Variants in BIN1 observed in about 807,000 individuals in gnomAD.
BIN1 encodes myc box-dependent-interacting protein 1.
In BIN1, 53 loss-of-function variants were observed where a neutral mutation model predicts 82.0. The ratio of observed to expected loss-of-function variants is 0.65; its 90% CI spans 0.52 to 0.81. BIN1 has a LOEUF of 0.81. Ranked by LOEUF, BIN1 falls within the 40% of genes least tolerant of loss-of-function variation. The pLI is 0.00. For synonymous variants in BIN1, 302 were observed against 328.0 expected, an observed-to-expected ratio of 0.92 and a Z score of 0.86; for missense variants, 642 against 784.4, an observed-to-expected ratio of 0.82 and a Z score of 2.17.
intron 11 of BIN1, among the ~76,000 whole-genome samples, chr2:127,058,597 G>C (rs1684013621): frequency 6.6e-6 from 1 of 152,136 alleles, no homozygotes; most frequent in Non-Finnish European, 1.5e-5. Flanking sequence ...CACCTGGCTT[G>C]GGCTCCTCCC....
intron 18 of BIN1, among the ~76,000 whole-genome samples, chr2:127,049,022 C>T (rs1682529313): frequency 6.6e-6 from 1 of 152,228 alleles, no homozygotes; most frequent in Non-Finnish European, 1.5e-5. Flanking sequence ...CCAGTCCCTC[C>T]AACTTCGACT....
chr2:127,063,851 G>A (rs759415895), intron 8 of BIN1, 82 bp downstream of exon 8: 53 of 1,563,796 alleles, frequency 3.4e-5, no homozygotes, highest in Non-Finnish European at 4.6e-5. Context: ...CGCAGGCTGG[G>A]CACCACAGCA....
At chr2:127,053,619 A>T in intron 13 of BIN1, 174 bp from the exon 14 acceptor site, 1 of 869,770 alleles carries the variant, frequency 1.1e-6, no homozygotes, top group Non-Finnish European at 1.9e-6. Context: ...AGCTCCCGAC[A>T]CCTCTCAGGG....
Position 127,057,379 on chromosome 2 carries a change from T to C in BIN1, c.1131+94A>G, listed in dbSNP as rs1683831323. 5.7e-6 allele frequency: 8 copies of C among 1,411,222 alleles called. No individual in the cohort carries two copies. Among genetic ancestry groups the C allele is most frequent in the Non-Finnish European group, 6.5e-6 (7 of 1,074,554 alleles). 87.4% of individuals were successfully genotyped at this position (1,411,222 alleles called of 1,614,324 possible). On this transcript the variant is annotated intron_variant, in intron 12 of 18. Transcript: ENST00000316724. This position sits in a 1 kb window ranked among gnomAD's most constrained non-coding sequence, Gnocchi z 5.0. ...CTGACACTCTCTCTGGCCAGATTCC[T>C]GGCTCTTGAGACAGAAGCATAGAGG...
chr2:127,101,003 G>GGCGGGGGGA (rs1553487485), intron 1 of BIN1, among the ~76,000 whole-genome samples: 1 of 137,752 alleles, frequency 7.3e-6, no homozygotes, highest in Non-Finnish European at 1.6e-5. Context: ...AATGTGCGGG[G>GGCGGGGGGA]GGTGGGGATA....
chr2:127,105,252 G>A (rs1680886679), intron 1 of BIN1, among the ~76,000 whole-genome samples: 2 of 152,164 alleles, frequency 1.3e-5, no homozygotes, highest in African/African-American at 2.4e-5. Flanking sequence ...AAGGGGGCAG[G>A]GAACACAGCT....
intron 1 of BIN1, chr2:127,081,984 C>T: frequency 2.0e-6 from 2 of 997,108 alleles, no homozygotes; most frequent in Non-Finnish European, 2.6e-6. Flanking sequence ...CACCGAGGCT[C>T]CCCAGGCAGG....
intron 1 of BIN1, among the ~76,000 whole-genome samples, chr2:127,078,045 C>G (rs1433377573): frequency 6.6e-6 from 1 of 152,224 alleles, no homozygotes; most frequent in Non-Finnish European, 1.5e-5. Flanking sequence ...CGGAGCCAGC[C>G]CATGCTGCCA....
In BIN1 at chr2:127,059,288, G is replaced by A; in HGVS notation, c.858-133C>T. ...TGTGAAACTGTGTGTGTGTGTGTGTGTGTGTATGTGAGAGAGAGCAGGAGG... is the reference window on the plus strand; with the variant it reads ...TGTGAAACTGTGTGTGTGTGTGTGTATGTGTATGTGAGAGAGAGCAGGAGG... On this transcript the variant is annotated intron_variant, in intron 10 of 18. Transcript: ENST00000316724. The surrounding 1 kb of genome is among the most constrained non-coding windows in gnomAD (Gnocchi z 6.7). The A allele has an allele frequency of 1.2e-5, 12 of 1,012,530 alleles. No homozygotes were observed. The highest frequency in any genetic ancestry group is 1.8e-5 in the Non-Finnish European group (12 of 678,678). 62.7% of individuals were successfully genotyped at this position (1,012,530 alleles called of 1,614,324 possible).
At position 127,097,378 on chromosome 2, in the gene BIN1, C is replaced by G. The variant is rs1168500157; in HGVS notation, c.84+9482G>C. ...AGCAGCGTCACTCCTCCAGGCCCAG[C>G]AGCGTCAGCCCTCCAGGCCCAGCAG... On this transcript the variant is annotated intron_variant, in intron 1 of 18. Transcript: ENST00000316724. 4.0e-5 allele frequency among the ~76,000 whole-genome samples: 6 copies of G among 151,612 alleles called. 2 individuals are homozygous for G. The highest frequency in any genetic ancestry group is 1.5e-5 in the Non-Finnish European group (1 of 67,812).
chr2:127,080,571 C>A (rs1004162497), intron 1 of BIN1, among the ~76,000 whole-genome samples: 1 of 152,200 alleles, frequency 6.6e-6, no homozygotes, highest in Non-Finnish European at 1.5e-5. Context: ...CAAAGGGGAG[C>A]CTTTGAAAAC....
chr2:127,064,281 C>T (rs975400594), intron 7 of BIN1, among the ~76,000 whole-genome samples: 7 of 152,224 alleles, frequency 4.6e-5, no homozygotes, highest in African/African-American at 7.2e-5. Flanking sequence ...GGGCAGTGAG[C>T]GTGGAGTAGG....
rs1000769636 is a variant in BIN1, at chr2:127,106,434, C to T, written c.84+426G>A. ...CCCCAGGGGCAGAGGGACATACTCC[C>T]TCTCGCCCCGAGCGCCGGCCCAGCC... On this transcript the variant is annotated intron_variant, in intron 1 of 18. Coordinates refer to ENST00000316724, the MANE Select transcript of BIN1 (RefSeq NM_139343.3). 7.2e-5 allele frequency among the ~76,000 whole-genome samples: 11 copies of T among 152,230 alleles called. 1 individual carries two copies. Among genetic ancestry groups the T allele is most frequent in the African/African-American group, 2.4e-4 (10 of 41,464 alleles).
chr2:127,052,311 C>T lies in BIN1; in HGVS notation c.1315G>A (p.Glu439Lys), dbSNP rs780281232. ...SLPSGEPSAA[E>K]GTFAVSWPSQ... ...GGCCAGGACACAGCAAAGGTGCCCT[C>T]GGCAGCGCTGGGCTCCCCGGAAGGC... Residue 439 changes from glutamate (E) to lysine (K), a missense_variant, in exon 15 of 19, where the codon GAG becomes AAG. Glu to Lys is a moderately conservative substitution (Grantham distance 56, BLOSUM62 1). Transcript: ENST00000316724. 1.6e-5 allele frequency: 26 copies of T among 1,586,960 alleles called. No homozygotes were observed. The highest frequency in any genetic ancestry group is 1.2e-4 in the Admixed American group (7 of 56,570).
chr2:127,067,840 G>A lies in BIN1; in HGVS notation c.612+323C>T, dbSNP rs1225988711. 6.6e-6 allele frequency among the ~76,000 whole-genome samples: 1 copy of A among 152,202 alleles called. No individual in the cohort carries two copies. Among genetic ancestry groups the A allele is most frequent in the Non-Finnish European group, 1.5e-5 (1 of 68,036 alleles). On this transcript the variant is annotated intron_variant, in intron 7 of 18. Transcript: ENST00000316724. The surrounding 1 kb of genome is among the most constrained non-coding windows in gnomAD (Gnocchi z 4.7). The stretch of plus-strand genomic sequence containing the variant: ...TGATGATGTCGCCTCCCTCCCCAGA[G>A]GAGCCCTCACAGAGGACAATGGCTC...
rs139610088 is a variant in BIN1 at position 127,093,667 on chromosome 2, C to T, written c.84+13193G>A. Reference sequence around the variant, plus strand: ...TTCTCTCTGGTCCTTGCATCTTCATCGTTGAAGGCTCCCGTGTCATGTAAA... The same window carrying T: ...TTCTCTCTGGTCCTTGCATCTTCATTGTTGAAGGCTCCCGTGTCATGTAAA... On this transcript the variant is annotated intron_variant, in intron 1 of 18. Coordinates refer to ENST00000316724, the MANE Select transcript of BIN1 (RefSeq NM_139343.3). The surrounding 1 kb of genome is among the most constrained non-coding windows in gnomAD (Gnocchi z 5.7). Among the ~76,000 whole-genome samples the T allele has an allele frequency of 1.6e-4, 24 of 152,344 alleles. No homozygotes were observed. The highest frequency in any genetic ancestry group is 2.9e-4 in the Non-Finnish European group (20 of 68,036).
At chr2:127,052,222 C>A in intron 15 of BIN1, 33 bp downstream of exon 15, 1 of 1,547,338 alleles carries the variant, frequency 6.5e-7, no homozygotes. Flanking sequence ...AGACTGGGGA[C>A]AAGCCAGACA....
chr2:127,103,463 G>T (rs1680608103), intron 1 of BIN1, among the ~76,000 whole-genome samples: 1 of 152,134 alleles, frequency 6.6e-6, no homozygotes, highest in African/African-American at 2.4e-5. Flanking sequence ...CCTCTGCCCA[G>T]CTGGCCCTCC....
At chr2:127,101,052 AGAGTTG>A (rs1344864048) in intron 1 of BIN1, among the ~76,000 whole-genome samples, 5 of 143,372 alleles carry the variant, frequency 3.5e-5, no homozygotes, top group Non-Finnish European at 7.5e-5. Context: ...TACCGCACCC[AGAGTTG>A]CTGCCTGGCA....
Sources: gnomAD v4.1 joint callset for allele counts (sites outside exome capture counted in the v4.1 genomes callset) on GRCh38, gnomAD v4.1.1 for gene constraint, Gnocchi (gnomAD v3.1) non-coding constraint, MANE v1.5 for transcripts, NCBI Gene and HGNC (gene_info 2026-07-23, HGNC 2026-07-21) for gene names.